ZNF644: variants seen among roughly 807,000 people sequenced by gnomAD.
ZNF644 encodes zinc finger protein 644.
A neutral mutation model predicts 108.0 loss-of-function variants in ZNF644; 20 were observed. The ratio of observed to expected loss-of-function variants is 0.19; its 90% CI spans 0.13 to 0.27. The LOEUF is 0.27. Among genes scored for constraint, ZNF644 ranks in the 10% least tolerant of loss-of-function variants. The probability of loss-of-function intolerance (pLI) is 1.00; values close to 1 mark genes in which losing one functional copy is unlikely to be tolerated. For synonymous variants in ZNF644, 542 were observed against 539.1 expected (o/e 1.01, Z -0.08); for missense variants, 1,338 against 1,548.9 (o/e 0.86, Z 2.29).
At chr1:90,987,829 A>G (rs1657257302) in intron 1 of ZNF644, among the ~76,000 whole-genome samples, 1 of 152,200 alleles carries the variant, frequency 6.6e-6, no homozygotes. Context: ...AGGATTACAC[A>G]TCATGACCAA....
intron 4 of ZNF644, among the ~76,000 whole-genome samples, chr1:90,931,575 C>T (rs1157040662): frequency 1.3e-5 from 2 of 152,106 alleles, no homozygotes; most frequent in Non-Finnish European, 2.9e-5. Context: ...AATTATTAAA[C>T]AATTTATTTG....
At chr1:90,953,870 C>T (rs866258428) in intron 2 of ZNF644, among the ~76,000 whole-genome samples, 1 of 151,948 alleles carries the variant, frequency 6.6e-6, no homozygotes, top group Non-Finnish European at 1.5e-5. Flanking sequence ...GAGCTGAGAT[C>T]GCGCCACTAC....
At chr1:90,935,652 T>A in intron 4 of ZNF644, 1 of 597,378 alleles carries the variant, frequency 1.7e-6, no homozygotes, top group Non-Finnish European at 2.1e-6. Context: ...TGAAATAGGT[T>A]AACTTAAAAT....
chr1:91,021,852 T>TA, intron 1 of ZNF644, 138 bp downstream of exon 1: 1 of 397,586 alleles, frequency 2.5e-6, no homozygotes, highest in Non-Finnish European at 4.4e-6. Flanking sequence ...GCCTAGGGCG[T>TA]AGCTCCCCGG....
At chr1:90,942,041 A>C (rs1169382041) in intron 2 of ZNF644, among the ~76,000 whole-genome samples, 1 of 152,100 alleles carries the variant, frequency 6.6e-6, no homozygotes, top group Non-Finnish European at 1.5e-5. Flanking sequence ...AAGTTAACTA[A>C]ATTTTAGTAA....
At chr1:90,925,985 T>C (rs1649989616) in intron 4 of ZNF644, among the ~76,000 whole-genome samples, 1 of 152,072 alleles carries the variant, frequency 6.6e-6, no homozygotes, top group Admixed American at 6.6e-5. Context: ...CAAGTCTCGT[T>C]AGGTCCCCTC....
At chr1:90,966,161 C>T (rs75421262) in intron 2 of ZNF644, among the ~76,000 whole-genome samples, 1,766 of 152,292 alleles carry the variant, frequency 0.012, 15 homozygotes, top group South Asian at 0.021. Flanking sequence ...AATATACTTA[C>T]GGATCATTTC....
intron 4 of ZNF644, among the ~76,000 whole-genome samples, chr1:90,923,368 A>C (rs1570335901): frequency 1.3e-5 from 2 of 152,134 alleles, no homozygotes; most frequent in African/African-American, 4.8e-5. Context: ...AAAAAGGCTG[A>C]GAAAAATTGT....
intron 1 of ZNF644, among the ~76,000 whole-genome samples, chr1:90,987,565 G>A (rs1657229062): frequency 6.6e-6 from 1 of 151,934 alleles, no homozygotes. Context: ...GAAAAGCCCA[G>A]GACCAGATGG....
intron 2 of ZNF644, among the ~76,000 whole-genome samples, chr1:90,960,594 T>A (rs1187732916): frequency 1.3e-5 from 2 of 152,092 alleles, no homozygotes; most frequent in Middle Eastern, 3.2e-3. Context: ...AGAAAGCCAA[T>A]CATAAAATGT....
chr1:90,943,401 ATTGCACTCCAGC>A (rs1466245890), intron 2 of ZNF644, among the ~76,000 whole-genome samples: 2 of 152,330 alleles, frequency 1.3e-5, no homozygotes, highest in East Asian at 3.9e-4. Flanking sequence ...AGATTGCGCC[ATTGCACTCCAGC>A]CTGTGCAACA....
At chr1:91,013,465 A>T (rs1416339200) in intron 1 of ZNF644, among the ~76,000 whole-genome samples, 2 of 149,214 alleles carry the variant, frequency 1.3e-5, no homozygotes, top group Non-Finnish European at 3.0e-5. Context: ...ACACACACAC[A>T]CACACACACA....
At chr1:90,950,389 T>C (rs182809061) in intron 2 of ZNF644, among the ~76,000 whole-genome samples, 3 of 149,854 alleles carry the variant, frequency 2.0e-5, no homozygotes, top group Admixed American at 1.3e-4. Context: ...GTTGTTGTTA[T>C]TGTTAGTAGT....
chr1:90,937,944 A>G lies in ZNF644; in HGVS notation c.3229T>C (p.Cys1077Arg). ...TTTTGCATCATCTCATTCAGAACAC[A>G]GATTGGAGATTTGTGAGCATCCCAT... is the stretch of plus-strand genomic sequence containing the variant. The part of the protein sequence containing the change: ...TKWDAHKSPI[C>R]VLNEMMQNEE... Residue 1077 changes from cysteine (C) to arginine (R), a missense_variant, in exon 4 of 6, where the codon TGT (cysteine) becomes CGT (arginine). Transcript: ENST00000337393. 1 of 1,613,424 alleles carries G rather than the reference A, an allele frequency of 6.2e-7. No individual in the cohort carries two copies. Among genetic ancestry groups the G allele is most frequent in the Non-Finnish European group, 8.5e-7 (1 of 1,179,860 alleles).
intron 1 of ZNF644, among the ~76,000 whole-genome samples, chr1:90,993,615 G>A (rs1657850879): frequency 6.6e-6 from 1 of 152,090 alleles, no homozygotes; most frequent in Non-Finnish European, 1.5e-5. Context: ...ATTGACATTT[G>A]ATTTAGGTCT....
At chr1:90,958,315 T>A (rs1049466835) in intron 2 of ZNF644, among the ~76,000 whole-genome samples, 7 of 144,160 alleles carry the variant, frequency 4.9e-5, no homozygotes, top group African/African-American at 1.8e-4. Flanking sequence ...AAAACATTGC[T>A]AGAAAAACTT....
chr1:91,013,906 A>G (rs939859822), intron 1 of ZNF644, among the ~76,000 whole-genome samples: 1 of 152,230 alleles, frequency 6.6e-6, no homozygotes, highest in African/African-American at 2.4e-5. Context: ...ATAAAAATCC[A>G]TTAATAAAAT....
intron 2 of ZNF644, among the ~76,000 whole-genome samples, chr1:90,977,135 C>T (rs1312318362): frequency 2.6e-5 from 4 of 151,618 alleles, no homozygotes; most frequent in Non-Finnish European, 4.4e-5. Context: ...AAAATAACCA[C>T]AAAGAAGCAA....
chr1:90,997,180 C>T (rs905519723), intron 1 of ZNF644, among the ~76,000 whole-genome samples: 4 of 152,174 alleles, frequency 2.6e-5, no homozygotes, highest in African/African-American at 9.7e-5. Context: ...TATACACGCC[C>T]AGGAAAGACC....
Sources: gnomAD v4.1 joint callset for allele counts (sites outside exome capture counted in the v4.1 genomes callset) on GRCh38, gnomAD v4.1.1 for gene constraint, MANE v1.5 for transcripts, NCBI Gene and HGNC (gene_info 2026-07-23, HGNC 2026-07-21) for gene names.